BRCC3: variants seen among roughly 807,000 people sequenced by gnomAD.
BRCC3 encodes the protein BRCA1/BRCA2-containing complex subunit 3.
A neutral mutation model predicts 28.0 loss-of-function variants in BRCC3; 15 were observed. That is an observed-to-expected ratio of 0.54 (90% CI 0.36 to 0.82). The LOEUF is 0.82. Ranked by LOEUF, BRCC3 falls within the 40% of genes least tolerant of loss-of-function variation. The probability of loss-of-function intolerance (pLI) is 0.01; values close to 1 mark genes in which losing one functional copy is unlikely to be tolerated. For missense variants in BRCC3, 109 were observed against 225.9 expected, an observed-to-expected ratio of 0.48 and a Z score of 3.32; for synonymous variants, 66 against 80.3, an observed-to-expected ratio of 0.82 and a Z score of 0.95.
chrX:155,119,640 G>A (rs143978509), intron 9 of BRCC3, among the ~76,000 whole-genome samples: 2,511 of 112,231 alleles, frequency 0.022, 34 homozygotes, highest in Middle Eastern at 0.037. Context: ...CCATTAGGAG[G>A]TTATGGTGGT....
At chrX:155,083,291 A>G (rs1415749456) in intron 5 of BRCC3, among the ~76,000 whole-genome samples, 3 of 112,287 alleles carry the variant, frequency 2.7e-5, no homozygotes, top group Non-Finnish European at 5.6e-5. Context: ...ACTTTTTGCA[A>G]AGGCAAACCC....
intron 10 of BRCC3, 48 bp downstream of exon 10, chrX:155,120,216 G>C: frequency 1.0e-6 from 1 of 967,977 alleles, no homozygotes; most frequent in South Asian, 2.1e-5. Flanking sequence ...GTCTGAAAAT[G>C]CACACAGCTC....
intron 5 of BRCC3, among the ~76,000 whole-genome samples, chrX:155,082,573 T>A (rs1260813585): frequency 8.9e-6 from 1 of 112,523 alleles, no homozygotes; most frequent in Non-Finnish European, 1.9e-5. Flanking sequence ...TCTCCCTCCC[T>A]CTCCAACATA....
At chrX:155,112,600 A>G (rs2074328660) in intron 7 of BRCC3, among the ~76,000 whole-genome samples, 1 of 112,763 alleles carries the variant, frequency 8.9e-6, no homozygotes, top group African/African-American at 3.2e-5. Flanking sequence ...CAACTCAAAA[A>G]TAAAAGGACA....
At chrX:155,077,880 C>T (rs1048420805) in intron 4 of BRCC3, among the ~76,000 whole-genome samples, 27 of 112,141 alleles carry the variant, frequency 2.4e-4, no homozygotes, top group African/African-American at 7.1e-4. Flanking sequence ...CCTGGCCTCT[C>T]GTAGTTTCCT....
At chrX:155,074,650 A>G (rs2074016172) in intron 3 of BRCC3, among the ~76,000 whole-genome samples, 1 of 112,406 alleles carries the variant, frequency 8.9e-6, no homozygotes, top group Non-Finnish European at 1.9e-5. Context: ...ACTAAGATAC[A>G]TTCCAATCTT....
rs1207911578 is a variant in BRCC3 at position 155,121,451 on chromosome X, A to G, written c.*247A>G. ...CTGATTTTGAAAAAGTGAAAAAGCA[A>G]TTCAATGGAGGAAGAATAGCCTTTC... On this transcript the variant is annotated 3_prime_UTR_variant, in exon 11 of 11. Coordinates refer to ENST00000330045, the MANE Select transcript of BRCC3 (RefSeq NM_001018055.3). 2 of 112,345 alleles carry G rather than the reference A, an allele frequency of 1.8e-5. No individual in the cohort carries two copies. Among genetic ancestry groups the G allele is most frequent in the African/African-American group, 6.5e-5 (2 of 30,879 alleles). The allele number at this position is 112,345 out of a possible 1,213,427, so 9.3% of individuals were successfully genotyped here.
In BRCC3 at chrX:155,077,860, G is replaced by A. The variant is rs184981704; in HGVS notation, c.315+571G>A. Among the ~76,000 whole-genome samples, 378 of 111,787 alleles carry A rather than the reference G, an allele frequency of 3.4e-3. 2 individuals carry two copies. The highest frequency in any genetic ancestry group is 4.5e-3 in the South Asian group (12 of 2,694). ...CCCATCCCACTTTTGTTTTCTTCAGGGATCCTTTCCCTGGCCTCTCGTAGT... is the reference window on the plus strand; with the variant it reads ...CCCATCCCACTTTTGTTTTCTTCAGAGATCCTTTCCCTGGCCTCTCGTAGT... On this transcript the variant is annotated intron_variant, in intron 4 of 10. Coordinates refer to ENST00000330045, the MANE Select transcript of BRCC3 (RefSeq NM_001018055.3).
chrX:155,113,451 C>T (rs1168108721), intron 7 of BRCC3, among the ~76,000 whole-genome samples: 1 of 110,442 alleles, frequency 9.1e-6, no homozygotes, highest in Middle Eastern at 4.6e-3. Flanking sequence ...TATTCACATG[C>T]AAAAGAAAGA....
intron 3 of BRCC3, among the ~76,000 whole-genome samples, chrX:155,074,729 A>G (rs1557293198): frequency 2.7e-5 from 3 of 112,375 alleles, no homozygotes. Flanking sequence ...TGTACTGTCT[A>G]AATTAGATAT....
chrX:155,086,600 C>G lies in BRCC3; in HGVS notation c.404-2663C>G, dbSNP rs782063976. Among the ~76,000 whole-genome samples, 42 of 110,999 alleles carry G rather than the reference C, an allele frequency of 3.8e-4. 1 individual carries two copies. The highest frequency in any genetic ancestry group is 1.4e-3 in the African/African-American group (42 of 30,521). Reference sequence around the variant, plus strand: ...TCTCAAACTCATGACCTCAGGTGGTCTGCCCGCCTTGGCCTCCCAAAGCGC... The same window carrying G: ...TCTCAAACTCATGACCTCAGGTGGTGTGCCCGCCTTGGCCTCCCAAAGCGC... On this transcript the variant is annotated intron_variant, in intron 5 of 10. Transcript: ENST00000330045.
intron 5 of BRCC3, among the ~76,000 whole-genome samples, 161 bp from the exon 6 acceptor site, chrX:155,089,102 A>G (rs1458184770): frequency 1.8e-5 from 2 of 111,649 alleles, no homozygotes; most frequent in African/African-American, 6.5e-5. Context: ...TTTTACTTTG[A>G]TATTGTCCTT....
At chrX:155,081,485 C>A (rs1417119769) in intron 5 of BRCC3, among the ~76,000 whole-genome samples, 2 of 111,227 alleles carry the variant, frequency 1.8e-5, no homozygotes, top group Non-Finnish European at 3.8e-5. Context: ...TCAATTAAAA[C>A]TAGTATTTAA....
intron 1 of BRCC3, among the ~76,000 whole-genome samples, chrX:155,072,059 G>A (rs782364174): frequency 2.7e-5 from 3 of 112,180 alleles, no homozygotes; most frequent in Non-Finnish European, 3.8e-5. Flanking sequence ...CTAGGGAGCA[G>A]AGATATCAAC....
Sources: gnomAD v4.1 joint callset for allele counts (sites outside exome capture counted in the v4.1 genomes callset) on GRCh38, gnomAD v4.1.1 for gene constraint, MANE v1.5 for transcripts, NCBI Gene and HGNC (gene_info 2026-07-23, HGNC 2026-07-21) for gene names.